The following STK3 variants were observed in gnomAD, a reference collection of about 807,000 sequenced individuals.
STK3 encodes the protein serine/threonine-protein kinase 3.
In STK3, 41 loss-of-function variants were observed where a neutral mutation model predicts 58.0. The ratio of observed to expected loss-of-function variants is 0.71; its 90% CI spans 0.55 to 0.92. The LOEUF is 0.92. Ranked by LOEUF, STK3 falls within the 40% of genes least tolerant of loss-of-function variation. The pLI is 0.00. For missense variants in STK3, 479 were observed against 602.7 expected (o/e 0.79, Z 2.15); for synonymous variants, 170 against 191.0 (o/e 0.89, Z 0.91).
At chr8:98,365,788 A>G in the STK3 span, among the ~76,000 whole-genome samples, 1 of 152,214 alleles carries the variant, frequency 6.6e-6, no homozygotes, top group Non-Finnish European at 1.5e-5. Flanking sequence ...CATCCTATAC[A>G]TAATATTCTG....
chr8:98,573,342 A>C (rs1196798345), intron 8 of STK3, among the ~76,000 whole-genome samples: 1 of 152,182 alleles, frequency 6.6e-6, no homozygotes, highest in East Asian at 1.9e-4. Context: ...CAGAAAATTT[A>C]CAATCATGGC....
chr8:98,928,852 A>C (rs1839904181), intron 1 of STK3, among the ~76,000 whole-genome samples: 2 of 152,338 alleles, frequency 1.3e-5, no homozygotes, highest in African/African-American at 4.8e-5. Flanking sequence ...TAAACCTGAT[A>C]ACAGGTTTAG....
rs376918926 is a variant in STK3, at chr8:98,779,749, C to A, written c.27-4930G>T. Among the ~76,000 whole-genome samples, 29 of 152,282 alleles carry A rather than the reference C, an allele frequency of 1.9e-4. No homozygotes were observed. The East Asian group carries it at 4.0e-3, about 21-fold the overall frequency. ...AATAAAGCATCAATGTTCTTTTTTA[C>A]AGCTGCATCCTATTCAATTACAGAG... On this transcript the variant is annotated intron_variant, in intron 1 of 10. Transcript: ENST00000419617.
At chr8:98,874,795 T>G (rs1837506785) in intron 3 of STK3, among the ~76,000 whole-genome samples, 1 of 145,812 alleles carries the variant, frequency 6.9e-6, no homozygotes, top group African/African-American at 2.5e-5. Context: ...TCCTGCTACT[T>G]TTTTTTTTTT....
intron 1 of STK3, among the ~76,000 whole-genome samples, chr8:98,813,964 C>G (rs1280608861): frequency 6.6e-6 from 1 of 151,936 alleles, no homozygotes; most frequent in African/African-American, 2.4e-5. Flanking sequence ...CTATAAGGCT[C>G]ATACATTTTA....
the STK3 span, among the ~76,000 whole-genome samples, chr8:98,345,137 T>A: frequency 6.6e-6 from 1 of 151,882 alleles, no homozygotes; most frequent in Non-Finnish European, 1.5e-5. Flanking sequence ...CATTTTAGCT[T>A]AAAACAAAAC....
chr8:98,543,577 C>G (rs1810460449), intron 9 of STK3, among the ~76,000 whole-genome samples: 1 of 152,172 alleles, frequency 6.6e-6, no homozygotes, highest in African/African-American at 2.4e-5. Flanking sequence ...AATTTTTCAA[C>G]CTTATTCCAA....
chr8:98,788,184 G>C (rs1323882807), intron 1 of STK3, among the ~76,000 whole-genome samples: 2 of 152,048 alleles, frequency 1.3e-5, no homozygotes, highest in Non-Finnish European at 2.9e-5. Context: ...GCTCACGGGG[G>C]TAATCTCAAT....
At chr8:98,920,118 T>C (rs1005628875) in intron 1 of STK3, among the ~76,000 whole-genome samples, 5 of 152,224 alleles carry the variant, frequency 3.3e-5, no homozygotes, top group Non-Finnish European at 7.3e-5. Context: ...CAACGTGGTT[T>C]AAATGTGTCC....
At position 98,798,836 on chromosome 8, in the gene STK3, A is replaced by G. The variant is rs1833341255; in HGVS notation, c.27-24017T>C. Among the ~76,000 whole-genome samples, 4 of 152,232 alleles carry G rather than the reference A, an allele frequency of 2.6e-5. No homozygotes were observed. In the South Asian group the frequency reaches 8.3e-4, roughly 31 times the overall value. On this transcript the variant is annotated intron_variant, in intron 1 of 10. Transcript: ENST00000419617. ...AAAATCAGGCCTTTAAGAGGTAATT[A>G]GGTCATGAGGGCTCCTCACCTCGTG...
intron 10 of STK3, among the ~76,000 whole-genome samples, chr8:98,500,499 C>T (rs978361430): frequency 1.3e-5 from 2 of 152,206 alleles, no homozygotes; most frequent in African/African-American, 4.8e-5. Context: ...TCTCCTAATG[C>T]TATCTCTACC....
the STK3 span, among the ~76,000 whole-genome samples, chr8:98,361,716 T>C: frequency 6.6e-6 from 1 of 152,132 alleles, no homozygotes; most frequent in African/African-American, 2.4e-5. Flanking sequence ...ATGGCATATA[T>C]TTCATTGGGA....
At chr8:98,627,156 A>T (rs572154512) in intron 6 of STK3, among the ~76,000 whole-genome samples, 24 of 152,268 alleles carry the variant, frequency 1.6e-4, no homozygotes, top group African/African-American at 4.8e-4. Context: ...AGCCCAGCAG[A>T]TCACTTGAAC....
intron 3 of STK3, among the ~76,000 whole-genome samples, chr8:98,841,681 C>CAAAAAA (rs10605812): frequency 1.2e-5 from 1 of 86,712 alleles, no homozygotes; most frequent in African/African-American, 5.0e-5. Flanking sequence ...GACCTGGTCT[C>CAAAAAA]AAAAAAAAAA....
chr8:98,710,868 G>T (rs1219199989), intron 4 of STK3, among the ~76,000 whole-genome samples: 1 of 152,018 alleles, frequency 6.6e-6, no homozygotes, highest in Non-Finnish European at 1.5e-5. Context: ...CCCCCAAGTA[G>T]CCTAACTGGG....
chr8:98,941,055 A>G (rs1840403127), intron 1 of STK3, among the ~76,000 whole-genome samples: 1 of 152,070 alleles, frequency 6.6e-6, no homozygotes, highest in Admixed American at 6.5e-5. Flanking sequence ...GCCCTCACGC[A>G]GCGGAGCCCA....
intron 1 of STK3, among the ~76,000 whole-genome samples, chr8:98,793,680 C>T (rs1000338278): frequency 6.6e-6 from 1 of 152,218 alleles, no homozygotes; most frequent in Non-Finnish European, 1.5e-5. Flanking sequence ...AAATTCAACA[C>T]ATGATGAATT....
chr8:98,874,750 C>A (rs1054677370), intron 3 of STK3, among the ~76,000 whole-genome samples: 14 of 151,790 alleles, frequency 9.2e-5, no homozygotes, highest in African/African-American at 3.1e-4. Context: ...CCTCAGCCTC[C>A]CCAGTAGCTG....
In STK3 at chr8:98,423,941, C is replaced by T. The variant is rs78189008; in HGVS notation, n.483+10186G>A. Among the ~76,000 whole-genome samples, 194 of 152,344 alleles carry T rather than the reference C, an allele frequency of 1.3e-3. 4 individuals carry two copies. The East Asian group carries it at 0.034, about 27-fold the overall frequency. On this transcript the variant is annotated intron_variant and non_coding_transcript_variant, in intron 3 of 3. Coordinates refer to the STK3 transcript ENST00000517832. Reference sequence around the variant, plus strand: ...TGCCTCTCCCTGCACACCTGTACCCCCTCACCATCTTCCCAGCAGGCCAGC... The same window carrying T: ...TGCCTCTCCCTGCACACCTGTACCCTCTCACCATCTTCCCAGCAGGCCAGC...
Sources: allele counts gnomAD v4.1 joint callset (sites outside exome capture counted in the v4.1 genomes callset), GRCh38; gene constraint gnomAD v4.1.1; transcripts MANE v1.5; gene names NCBI Gene and HGNC (gene_info 2026-07-23, HGNC 2026-07-21).